Variants in ASTN2 observed in about 807,000 individuals in gnomAD.
ASTN2 encodes the protein astrotactin 2.
In ASTN2, 54 loss-of-function variants were observed where a neutral mutation model predicts 139.8. The ratio of observed to expected loss-of-function variants is 0.39; its 90% CI spans 0.31 to 0.48. The LOEUF is 0.48. Among genes scored for constraint, ASTN2 ranks in the 20% least tolerant of loss-of-function variants. The probability of loss-of-function intolerance (pLI) is 0.95; values close to 1 mark genes in which losing one functional copy is unlikely to be tolerated. For missense variants in ASTN2, 1,565 were observed against 1,725.1 expected, an observed-to-expected ratio of 0.91 and a Z score of 1.64; for synonymous variants, 756 against 719.5, an observed-to-expected ratio of 1.05 and a Z score of -0.81.
chr9:117,153,217 G>A (rs368745928), intron 3 of ASTN2, among the ~76,000 whole-genome samples: 2 of 151,966 alleles, frequency 1.3e-5, no homozygotes, highest in Non-Finnish European at 1.5e-5. Flanking sequence ...AAGGCTTGTC[G>A]CAGCTAGTGT....
intron 13 of ASTN2, among the ~76,000 whole-genome samples, chr9:116,781,888 A>G (rs1830228419): frequency 6.6e-6 from 1 of 152,040 alleles, no homozygotes; most frequent in Non-Finnish European, 1.5e-5. Flanking sequence ...GACATGTGTT[A>G]TTTTATATCA....
At chr9:116,639,465 GAAGAAA>G (rs552181427) in intron 17 of ASTN2, among the ~76,000 whole-genome samples, 82 of 152,240 alleles carry the variant, frequency 5.4e-4, no homozygotes, top group African/African-American at 1.9e-3. Flanking sequence ...CTTAGATTAG[GAAGAAA>G]TAGAAAGAGA....
chr9:116,483,350 C>T (rs1849233800), intron 20 of ASTN2, among the ~76,000 whole-genome samples: 2 of 152,192 alleles, frequency 1.3e-5, no homozygotes, highest in South Asian at 4.1e-4. Flanking sequence ...TCAGCCTTGA[C>T]TTTCACTCCT....
intron 10 of ASTN2, among the ~76,000 whole-genome samples, chr9:116,964,256 T>TGCGCGCGCGC (rs1289773313): frequency 2.2e-3 from 216 of 98,886 alleles, no homozygotes; most frequent in African/African-American, 6.3e-3. Context: ...TGTGTGTGTG[T>TGCGCGCGCGC]GCGCGCGCGC....
intron 2 of ASTN2, among the ~76,000 whole-genome samples, chr9:117,284,151 C>A (rs924765059): frequency 6.6e-6 from 1 of 152,106 alleles, no homozygotes; most frequent in Admixed American, 6.5e-5. Flanking sequence ...GGGACCCAGT[C>A]AGAGTGCAGC....
At chr9:117,354,132 G>A (rs1395795609) in intron 1 of ASTN2, among the ~76,000 whole-genome samples, 1 of 152,144 alleles carries the variant, frequency 6.6e-6, no homozygotes, top group Non-Finnish European at 1.5e-5. Flanking sequence ...CAGGCTATGT[G>A]TGGTGGGGAA....
intron 19 of ASTN2, among the ~76,000 whole-genome samples, chr9:116,579,800 C>T (rs1588033722): frequency 6.6e-6 from 1 of 152,284 alleles, no homozygotes; most frequent in South Asian, 2.1e-4. Flanking sequence ...AATTCCCCCT[C>T]ACTGGCCCTA....
chr9:117,231,490 G>A (rs993831605), intron 2 of ASTN2, among the ~76,000 whole-genome samples: 7 of 152,170 alleles, frequency 4.6e-5, no homozygotes, highest in African/African-American at 1.7e-4. Flanking sequence ...ATGGGGATAA[G>A]CAAATCTATC....
chr9:117,179,167 G>T (rs1226624399), intron 3 of ASTN2, among the ~76,000 whole-genome samples: 2 of 152,146 alleles, frequency 1.3e-5, no homozygotes, highest in African/African-American at 4.8e-5. Context: ...TGATTACAGA[G>T]TATGTGTGAA....
At chr9:117,296,515 T>A (rs1834741584) in intron 1 of ASTN2, among the ~76,000 whole-genome samples, 1 of 152,156 alleles carries the variant, frequency 6.6e-6, no homozygotes, top group Non-Finnish European at 1.5e-5. Context: ...AATTGCATTT[T>A]CCCTTTTCTC....
chr9:116,794,479 C>A (rs1368055657), intron 13 of ASTN2, among the ~76,000 whole-genome samples: 2 of 152,076 alleles, frequency 1.3e-5, no homozygotes, highest in Non-Finnish European at 2.9e-5. Context: ...ATATGGCTTG[C>A]AGGCTGTGGG....
At chr9:117,364,381 T>C (rs1339319841) in intron 1 of ASTN2, among the ~76,000 whole-genome samples, 1 of 152,204 alleles carries the variant, frequency 6.6e-6, no homozygotes, top group Non-Finnish European at 1.5e-5. Context: ...TGTTTGCCAC[T>C]GCAGATGTAA....
At chr9:116,632,911 T>C (rs1856878115) in intron 17 of ASTN2, among the ~76,000 whole-genome samples, 1 of 152,352 alleles carries the variant, frequency 6.6e-6, no homozygotes, top group African/African-American at 2.4e-5. Flanking sequence ...TATCAGAAAT[T>C]CCTTGCACAA....
chr9:117,203,468 T>A (rs939758586), intron 3 of ASTN2, among the ~76,000 whole-genome samples: 1 of 152,182 alleles, frequency 6.6e-6, no homozygotes, highest in Non-Finnish European at 1.5e-5. Flanking sequence ...CTCATCTTCA[T>A]GAGTTTGTCT....
intron 7 of ASTN2, among the ~76,000 whole-genome samples, chr9:117,005,649 G>A (rs529245845): frequency 4.6e-5 from 7 of 152,100 alleles, no homozygotes; most frequent in Non-Finnish European, 8.8e-5. Flanking sequence ...TGGGCTTCCT[G>A]CTTTCTTGTC....
intron 19 of ASTN2, among the ~76,000 whole-genome samples, chr9:116,614,932 A>G (rs1855761177): frequency 6.6e-6 from 1 of 152,246 alleles, no homozygotes; most frequent in Non-Finnish European, 1.5e-5. Context: ...CAGAGTGAAC[A>G]GGCAACCTAC....
intron 19 of ASTN2, among the ~76,000 whole-genome samples, chr9:116,615,287 C>G (rs1433563556): frequency 6.6e-6 from 1 of 152,194 alleles, no homozygotes; most frequent in Non-Finnish European, 1.5e-5. Flanking sequence ...GGAACGTAAA[C>G]TAGTTGAACC....
intron 10 of ASTN2, among the ~76,000 whole-genome samples, chr9:116,902,511 T>C (rs1159224204): frequency 6.6e-6 from 1 of 152,170 alleles, no homozygotes; most frequent in East Asian, 1.9e-4. Context: ...GTGTTACAAT[T>C]GCCTACAGTA....
intron 19 of ASTN2, among the ~76,000 whole-genome samples, chr9:116,609,145 G>A (rs1000027570): frequency 4.6e-5 from 7 of 151,698 alleles, no homozygotes; most frequent in East Asian, 3.9e-4. Context: ...GAAAAATGGC[G>A]GGAGATTTTT....
Sources: gnomAD v4.1 joint callset for allele counts (sites outside exome capture counted in the v4.1 genomes callset) on GRCh38, gnomAD v4.1.1 for gene constraint, MANE v1.5 for transcripts, NCBI Gene and HGNC (gene_info 2026-07-23, HGNC 2026-07-21) for gene names.